Variants in GRM1 observed in about 807,000 individuals in gnomAD.
GRM1 encodes the protein glutamate metabotropic receptor 1, also known as metabotropic glutamate receptor 1.
GRM1 carries 33 observed loss-of-function variants against 90.9 expected under a neutral mutation model. The ratio of observed to expected loss-of-function variants is 0.36; its 90% confidence interval spans 0.28 to 0.49. The LOEUF is 0.49. GRM1 is among the 20% of genes least tolerant of loss of function. The pLI is 0.99. For missense variants in GRM1, 1,190 were observed against 1,534.3 expected, an observed-to-expected ratio of 0.78 and a Z score of 3.75; for synonymous variants, 700 against 613.2, an observed-to-expected ratio of 1.14 and a Z score of -2.09.
At chr6:146,054,461 C>T (rs893040710) in intron 1 of GRM1, among the ~76,000 whole-genome samples, 3 of 152,072 alleles carry the variant, frequency 2.0e-5, no homozygotes, top group Admixed American at 6.6e-5. Flanking sequence ...CCATAGCAAG[C>T]TCTGCTTTTC....
At chr6:146,039,515 G>A (rs1791019173) in intron 1 of GRM1, among the ~76,000 whole-genome samples, 1 of 152,000 alleles carries the variant, frequency 6.6e-6, no homozygotes. Flanking sequence ...TGGTGAGCCA[G>A]TGAAGAATTT....
intron 2 of GRM1, among the ~76,000 whole-genome samples, chr6:146,244,698 A>G (rs555717339): frequency 9.8e-5 from 15 of 152,322 alleles, no homozygotes; most frequent in Middle Eastern, 3.4e-3. Context: ...AACCGTGTGT[A>G]ATAGAAGTTT....
chr6:146,388,154 A>G (rs957036831), intron 6 of GRM1, among the ~76,000 whole-genome samples: 1 of 152,110 alleles, frequency 6.6e-6, no homozygotes, highest in Non-Finnish European at 1.5e-5. Context: ...TAGGAGCCAT[A>G]GAGGCTTTTT....
intron 2 of GRM1, among the ~76,000 whole-genome samples, chr6:146,242,329 C>T (rs544241577): frequency 6.6e-6 from 1 of 152,138 alleles, no homozygotes; most frequent in Admixed American, 6.6e-5. Flanking sequence ...TTTCAAAGCC[C>T]AAAATTACAC....
At chr6:146,295,227 T>C (rs950483675) in intron 2 of GRM1, among the ~76,000 whole-genome samples, 1 of 152,130 alleles carries the variant, frequency 6.6e-6, no homozygotes, top group South Asian at 2.1e-4. Context: ...CATTTATTTA[T>C]TTATTTTTCT....
chr6:146,041,660 G>A (rs1791111450), intron 1 of GRM1, among the ~76,000 whole-genome samples: 1 of 151,888 alleles, frequency 6.6e-6, no homozygotes, highest in South Asian at 2.1e-4. Flanking sequence ...CTCTGACTCG[G>A]TATCTCCTTT....
chr6:146,359,472 A>G (rs1775376131), intron 5 of GRM1, among the ~76,000 whole-genome samples: 1 of 152,242 alleles, frequency 6.6e-6, no homozygotes, highest in African/African-American at 2.4e-5. Context: ...TGTGCAGACA[A>G]TTACTGGGAA....
In GRM1 at chr6:146,063,842, G is replaced by A. The variant is rs77722980; in HGVS notation, c.700+33625G>A. ...AATCATTGCAAATCCTGTATTAATG[G>A]AATAGGAGTTCATGATATTTAAATA... is the stretch of plus-strand genomic sequence containing the variant. On this transcript the variant is annotated intron_variant, in intron 1 of 7. Coordinates refer to ENST00000282753, the MANE Select transcript of GRM1 (RefSeq NM_001278064.2). Among the ~76,000 whole-genome samples, 1,147 of 152,144 alleles carry A rather than the reference G, an allele frequency of 7.5e-3. 17 individuals are homozygous for A. The highest frequency in any genetic ancestry group is 0.026 in the African/African-American group (1,089 of 41,514).
chr6:146,297,983 A>G (rs1468126172), intron 2 of GRM1, among the ~76,000 whole-genome samples: 2 of 152,184 alleles, frequency 1.3e-5, no homozygotes, highest in African/African-American at 4.8e-5. Context: ...CTGAAGAATT[A>G]TTCTTGTTGC....
chr6:146,060,464 A>G (rs528687519), intron 1 of GRM1, among the ~76,000 whole-genome samples: 3 of 152,134 alleles, frequency 2.0e-5, no homozygotes, highest in Admixed American at 6.6e-5. Flanking sequence ...TGTGTACTCA[A>G]TGTCTAGCTG....
intron 2 of GRM1, among the ~76,000 whole-genome samples, chr6:146,285,275 C>T (rs1444079240): frequency 1.3e-5 from 2 of 152,194 alleles, no homozygotes; most frequent in East Asian, 3.9e-4. Context: ...CTGCTATCCA[C>T]CTGTTGCTTG....
intron 2 of GRM1, among the ~76,000 whole-genome samples, chr6:146,235,977 A>T (rs1038280601): frequency 6.6e-6 from 1 of 151,856 alleles, no homozygotes; most frequent in African/African-American, 2.4e-5. Context: ...TTGTTGAAAG[A>T]TATGCCATTT....
chr6:146,136,398 C>G (rs1475635171), intron 1 of GRM1, among the ~76,000 whole-genome samples: 2 of 152,182 alleles, frequency 1.3e-5, no homozygotes, highest in Non-Finnish European at 2.9e-5. Flanking sequence ...TCCCTACCAA[C>G]AGTGTATGAG....
At chr6:146,321,983 G>A (rs375295844) in intron 3 of GRM1, among the ~76,000 whole-genome samples, 25 of 152,190 alleles carry the variant, frequency 1.6e-4, no homozygotes, top group East Asian at 7.8e-4. Context: ...AGCTGTGATC[G>A]TTTGGAGGAG....
chr6:146,412,426 T>C (rs901708745), intron 7 of GRM1, among the ~76,000 whole-genome samples: 1 of 152,158 alleles, frequency 6.6e-6, no homozygotes, highest in South Asian at 2.1e-4. Flanking sequence ...CAGCTCACCA[T>C]GTTTTTCACA....
At chr6:146,332,559 C>G (rs1784621195) in intron 3 of GRM1, among the ~76,000 whole-genome samples, 1 of 152,180 alleles carries the variant, frequency 6.6e-6, no homozygotes, top group South Asian at 2.1e-4. Flanking sequence ...TAATCCCAGG[C>G]AGAGAAAGTT....
intron 1 of GRM1, among the ~76,000 whole-genome samples, chr6:146,044,489 A>G (rs1443542651): frequency 6.6e-6 from 1 of 151,996 alleles, no homozygotes; most frequent in African/African-American, 2.4e-5. Flanking sequence ...TAAGGGCAAC[A>G]TGATGTAACT....
intron 2 of GRM1, among the ~76,000 whole-genome samples, chr6:146,182,400 T>C (rs1192721974): frequency 1.3e-5 from 2 of 152,144 alleles, no homozygotes; most frequent in African/African-American, 2.4e-5. Flanking sequence ...CAAGAAATTA[T>C]CTAATTTCAT....
intron 2 of GRM1, among the ~76,000 whole-genome samples, chr6:146,243,455 A>G (rs1780938262): frequency 6.6e-6 from 1 of 152,066 alleles, no homozygotes; most frequent in South Asian, 2.1e-4. Context: ...AGAATTATAG[A>G]ATAGTCAGAG....
Sources: allele counts gnomAD v4.1 joint callset (sites outside exome capture counted in the v4.1 genomes callset), GRCh38; gene constraint gnomAD v4.1.1; transcripts MANE v1.5; gene names NCBI Gene and HGNC (gene_info 2026-07-23, HGNC 2026-07-21).